IGF1R: variants seen among roughly 807,000 people sequenced by gnomAD.
The protein encoded by IGF1R is insulin like growth factor 1 receptor.
In IGF1R, 44 loss-of-function variants were observed where a neutral mutation model predicts 144.6. The observed-to-expected ratio is 0.30, with a 90% CI of 0.24 to 0.39. IGF1R has a LOEUF of 0.39. Ranked by LOEUF, IGF1R falls within the 10% of genes least tolerant of loss-of-function variation. The probability of loss-of-function intolerance (pLI) is 1.00; values close to 1 mark genes in which losing one functional copy is unlikely to be tolerated. For synonymous variants in IGF1R, 795 were observed against 722.8 expected (o/e 1.10, Z -1.60); for missense variants, 1,355 against 1,833.7 (o/e 0.74, Z 4.77).
intron 1 of IGF1R, among the ~76,000 whole-genome samples, chr15:98,685,664 G>C (rs148020377): frequency 6.6e-6 from 1 of 152,180 alleles, no homozygotes; most frequent in Admixed American, 6.5e-5. Context: ...TGGGCCCCTG[G>C]TGGTGCTTCC....
intron 1 of IGF1R, among the ~76,000 whole-genome samples, chr15:98,681,722 G>T (rs1189882603): frequency 6.6e-6 from 1 of 152,172 alleles, no homozygotes; most frequent in Non-Finnish European, 1.5e-5. Context: ...CTGTGTATTA[G>T]TTAGTAAAGG....
intron 2 of IGF1R, among the ~76,000 whole-genome samples, chr15:98,751,624 CT>C (rs2055014418): frequency 6.6e-6 from 1 of 152,186 alleles, no homozygotes; most frequent in South Asian, 2.1e-4. Context: ...ACTACTTAAT[CT>C]TTGTCCTTTA....
Position 98,948,641 on chromosome 15 carries a change from G to C in IGF1R, c.3655G>C (p.Glu1219Gln), listed in dbSNP as rs1185222113. ...GCAGCCCTACCAGGGCTTGTCCAACGAGCAAGTCCTTCGCTTCGTCATGGA... is the reference window on the plus strand; with the variant it reads ...GCAGCCCTACCAGGGCTTGTCCAACCAGCAAGTCCTTCGCTTCGTCATGGA... Reference protein sequence around the residue: ...AEQPYQGLSNEQVLRFVMEGG... With the variant: ...AEQPYQGLSNQQVLRFVMEGG... The change falls in exon 20 of 21, where the codon GAG becomes CAG. Residue 1219 changes from glutamate to glutamine, a missense_variant. Glu to Gln is a conservative substitution (Grantham distance 29). Around this residue, in one of 7 missense-constraint regions of IGF1R, gnomAD observed 77 missense variants for 163.2 expected, o/e 0.47. Transcript: ENST00000650285. The C allele has an allele frequency of 6.2e-7, 1 of 1,614,156 alleles. No individual in the cohort carries two copies. Among genetic ancestry groups the C allele is most frequent in the Non-Finnish European group, 8.5e-7 (1 of 1,180,010 alleles).
In IGF1R at chr15:98,887,683, G is replaced by A. The variant is rs569820498; in HGVS notation, c.641-3642G>A. On this transcript the variant is annotated intron_variant, in intron 2 of 20. Transcript: ENST00000650285. ...TTAATACTGCTGGCACACGCCTGAC[G>A]AGCGGGAATGTGAGCGTTGTTTCTG... Among the ~76,000 whole-genome samples the A allele has an allele frequency of 8.5e-5, 13 of 152,318 alleles. No individual in the cohort carries two copies. The South Asian group carries it at 1.5e-3, about 17-fold the overall frequency.
intron 1 of IGF1R, among the ~76,000 whole-genome samples, chr15:98,680,994 A>T (rs1039657815): frequency 6.6e-6 from 1 of 152,024 alleles, no homozygotes; most frequent in Non-Finnish European, 1.5e-5. Flanking sequence ...AATGCACTAC[A>T]GGTTTGCAGG....
intron 1 of IGF1R, chr15:98,660,492 T>C (rs577042137): frequency 1.2e-4 from 18 of 152,258 alleles, no homozygotes; most frequent in African/African-American, 4.1e-4. Context: ...GCCTGGTGCA[T>C]AGGAGGAGCT....
In IGF1R at chr15:98,962,547, G is replaced by C. The variant is rs1040605102; in HGVS notation, c.*5105G>C. 13 of 233,820 alleles carry C rather than the reference G, an allele frequency of 5.6e-5. No homozygotes were observed. Among genetic ancestry groups the C allele is most frequent in the African/African-American group, 2.6e-4 (12 of 45,482 alleles). 14.5% of individuals were successfully genotyped at this position (233,820 alleles called of 1,614,324 possible). A position where few individuals can be genotyped will look rare whatever the true frequency, so the allele number is the denominator to read the frequency against. On this transcript the variant is annotated 3_prime_UTR_variant, in exon 21 of 21. Transcript: ENST00000650285. ...GAAGATACAGACCTTGGACAGGTCAGAGGGTTTCATTTTTGGCCTTCATCT... is the reference window on the plus strand; with the variant it reads ...GAAGATACAGACCTTGGACAGGTCACAGGGTTTCATTTTTGGCCTTCATCT...
chr15:98,793,133 G>A (rs547444919), intron 2 of IGF1R, among the ~76,000 whole-genome samples: 9 of 152,266 alleles, frequency 5.9e-5, no homozygotes, highest in African/African-American at 1.4e-4. Flanking sequence ...CTCTTGCCCC[G>A]ATCATAAAGT....
At chr15:98,789,780 G>A (rs12441649) in intron 2 of IGF1R, among the ~76,000 whole-genome samples, 1 of 152,018 alleles carries the variant, frequency 6.6e-6, no homozygotes, top group Non-Finnish European at 1.5e-5. Flanking sequence ...TGAACCCAGG[G>A]CCCTTTCATG....
intron 15 of IGF1R, among the ~76,000 whole-genome samples, chr15:98,934,378 C>A (rs947610724): frequency 5.9e-5 from 9 of 152,188 alleles, no homozygotes; most frequent in African/African-American, 2.2e-4. Context: ...CCCTACTACT[C>A]TCCTCCTTTT....
intron 17 of IGF1R, among the ~76,000 whole-genome samples, chr15:98,937,279 G>T (rs1009402205): frequency 6.6e-6 from 1 of 152,106 alleles, no homozygotes; most frequent in Non-Finnish European, 1.5e-5. Context: ...TGCCAGCATC[G>T]ATTGAGGCAC....
chr15:98,876,684 C>A (rs536131086), intron 2 of IGF1R, among the ~76,000 whole-genome samples: 1 of 152,280 alleles, frequency 6.6e-6, no homozygotes, highest in Non-Finnish European at 1.5e-5. Flanking sequence ...TTTTCCGAGG[C>A]ACTTTTGAAT....
In IGF1R at chr15:98,813,369, C is replaced by G. The variant is rs751421340; in HGVS notation, c.641-77956C>G. Among the ~76,000 whole-genome samples, 5 of 152,154 alleles carry G rather than the reference C, an allele frequency of 3.3e-5. No individual in the cohort carries two copies. The South Asian group carries it at 8.3e-4, about 25-fold the overall frequency. On this transcript the variant is annotated intron_variant, in intron 2 of 20. Coordinates refer to ENST00000650285, the MANE Select transcript of IGF1R (RefSeq NM_000875.5). ...CCAATATTGCCCTACCTTAATCACC[C>G]TAGGGCCAGATACCAGGCAAGAGAC...
rs140188388 is a variant in IGF1R, at chr15:98,932,387, T to C, written c.2956+2082T>C. 2.0e-5 allele frequency among the ~76,000 whole-genome samples: 3 copies of C among 152,280 alleles called. No homozygotes were observed. The East Asian group carries it at 5.8e-4, about 29-fold the overall frequency. On this transcript the variant is annotated intron_variant, in intron 15 of 20. Coordinates refer to ENST00000650285, the MANE Select transcript of IGF1R (RefSeq NM_000875.5). ...ATCTGCATGTCACCATTCTCCAGAG[T>C]ACATTGAAAATCCCCTACAGGAAAG... is the stretch of plus-strand genomic sequence containing the variant.
At chr15:98,651,925 T>G (rs1159534172) in intron 1 of IGF1R, among the ~76,000 whole-genome samples, 1 of 152,140 alleles carries the variant, frequency 6.6e-6, no homozygotes, top group South Asian at 2.1e-4. Flanking sequence ...GGGCGTTCAG[T>G]TTTTAGCCGG....
chr15:98,764,387 CT>C (rs1435936766), intron 2 of IGF1R, among the ~76,000 whole-genome samples: 1 of 152,014 alleles, frequency 6.6e-6, no homozygotes, highest in Non-Finnish European at 1.5e-5. Context: ...AAGAGGGGAA[CT>C]TTTAGAAATA....
chr15:98,942,362 C>A (rs545612622), intron 18 of IGF1R, among the ~76,000 whole-genome samples: 11 of 152,230 alleles, frequency 7.2e-5, no homozygotes, highest in African/African-American at 2.6e-4. Context: ...AAGACAGGTT[C>A]TCACTCTGTC....
At chr15:98,660,285 A>C (rs1411589970) in intron 1 of IGF1R, 4 of 152,140 alleles carry the variant, frequency 2.6e-5, no homozygotes, top group African/African-American at 9.7e-5. Context: ...CCCTCTGGCA[A>C]GCTCCTTTAA....
chr15:98,741,235 C>CTGTTTTTTTTTTTTTTT lies in IGF1R; in HGVS notation c.640+33129_640+33130insGTTTTTTTTTTTTTTTT, dbSNP rs755082795. On this transcript the variant is annotated intron_variant, in intron 2 of 20. Coordinates refer to ENST00000650285, the MANE Select transcript of IGF1R (RefSeq NM_000875.5). Reference sequence around the variant, plus strand: ...TATGGCTTTATATAGTTTTCCTGAGCTTTTTTTTTTTTTTTTTTTTTTTTT... The same window carrying CTGTTTTTTTTTTTTTTT: ...TATGGCTTTATATAGTTTTCCTGAGCTGTTTTTTTTTTTTTTTTTTTTTTTTTTTTTTTTTTTTTTTT... Among the ~76,000 whole-genome samples the CTGTTTTTTTTTTTTTTT allele has an allele frequency of 2.8e-5, 2 of 70,330 alleles. 1 individual carries two copies. 46.1% of individuals were successfully genotyped at this position (70,330 alleles called of 152,430 possible).
Sources: gnomAD v4.1 joint callset for allele counts (sites outside exome capture counted in the v4.1 genomes callset) on GRCh38, gnomAD v4.1.1 for gene constraint, gnomAD v4.1.1 regional missense constraint, MANE v1.5 for transcripts, NCBI Gene and HGNC (gene_info 2026-07-23, HGNC 2026-07-21) for gene names.